Variants in ELOVL6 observed in about 807,000 individuals in gnomAD.
The protein encoded by ELOVL6 is ELOVL fatty acid elongase 6.
Under a neutral mutation model 31.7 loss-of-function variants are expected in ELOVL6, and 8 were observed. The ratio of observed to expected loss-of-function variants is 0.25; its 90% CI spans 0.15 to 0.45. ELOVL6 has a LOEUF of 0.45. ELOVL6 is among the 20% of genes least tolerant of loss of function. The probability of loss-of-function intolerance (pLI) is 1.00; values close to 1 mark genes in which losing one functional copy is unlikely to be tolerated. For synonymous variants in ELOVL6, 101 were observed against 117.7 expected (o/e 0.86, Z 0.92); for missense variants, 126 against 326.4 (o/e 0.39, Z 4.73).
At position 110,191,500 on chromosome 4, in the gene ELOVL6, C is replaced by A. The variant is rs573472356; in HGVS notation, c.89+6747G>T. On this transcript the variant is annotated intron_variant, in intron 1 of 3. Coordinates refer to ENST00000302274, the MANE Select transcript of ELOVL6 (RefSeq NM_024090.3). The stretch of plus-strand genomic sequence containing the variant: ...AACTTTGTAGAATGATGTCTGGTTC[C>A]TATTAATAAAGGACAGTTTGGCTCA... 2.7e-4 allele frequency among the ~76,000 whole-genome samples: 41 copies of A among 152,172 alleles called. No homozygotes were observed. The Middle Eastern group carries it at 0.017, about 63-fold the overall frequency.
intron 2 of ELOVL6, among the ~76,000 whole-genome samples, chr4:110,061,207 C>CA (rs556070824): frequency 2.0e-5 from 3 of 152,130 alleles, no homozygotes; most frequent in South Asian, 4.1e-4. Context: ...TCAGGACCGA[C>CA]AAGGCCTCTC....
At chr4:110,182,393 T>A (rs887001430) in intron 1 of ELOVL6, among the ~76,000 whole-genome samples, 1 of 152,228 alleles carries the variant, frequency 6.6e-6, no homozygotes, top group African/African-American at 2.4e-5. Context: ...ACTGTCTTTA[T>A]GTTTAATTGT....
At chr4:110,152,999 A>T (rs1758321175) in intron 1 of ELOVL6, among the ~76,000 whole-genome samples, 1 of 152,200 alleles carries the variant, frequency 6.6e-6, no homozygotes, top group African/African-American at 2.4e-5. Context: ...TCTATTGAAG[A>T]GCAGGAATGA....
At chr4:110,174,311 A>G (rs1759037685) in intron 1 of ELOVL6, among the ~76,000 whole-genome samples, 1 of 151,774 alleles carries the variant, frequency 6.6e-6, no homozygotes, top group African/African-American at 2.4e-5. Flanking sequence ...TTACAGGCCC[A>G]TCCCACCATA....
intron 1 of ELOVL6, among the ~76,000 whole-genome samples, chr4:110,120,568 C>T (rs906426838): frequency 6.6e-6 from 1 of 152,226 alleles, no homozygotes; most frequent in Non-Finnish European, 1.5e-5. Context: ...CTTCAAACTA[C>T]TACTATGCAT....
chr4:110,171,395 G>A (rs943908313), intron 1 of ELOVL6, among the ~76,000 whole-genome samples: 1 of 147,936 alleles, frequency 6.8e-6, no homozygotes, highest in Non-Finnish European at 1.5e-5. Context: ...GGCAACAAGA[G>A]TGAAACTCCA....
At chr4:110,052,720 G>C (rs1360394739) in intron 3 of ELOVL6, among the ~76,000 whole-genome samples, 1 of 152,176 alleles carries the variant, frequency 6.6e-6, no homozygotes, top group Non-Finnish European at 1.5e-5. Flanking sequence ...AAAATTGGAT[G>C]AAGAGCAAGC....
At chr4:110,098,960 A>T (rs1252276661) in intron 2 of ELOVL6, among the ~76,000 whole-genome samples, 2 of 152,158 alleles carry the variant, frequency 1.3e-5, no homozygotes, top group Non-Finnish European at 2.9e-5. Context: ...AAAAAAACTA[A>T]GACACTTATG....
chr4:110,106,729 T>C (rs529018907), intron 1 of ELOVL6, among the ~76,000 whole-genome samples: 9 of 152,244 alleles, frequency 5.9e-5, no homozygotes, highest in African/African-American at 2.2e-4. Context: ...TATGTCATCC[T>C]GTGACTAAGA....
chr4:110,083,971 TAAC>T (rs1441050205), intron 2 of ELOVL6, among the ~76,000 whole-genome samples: 1,342 of 108,452 alleles, frequency 0.012, 150 homozygotes, highest in Non-Finnish European at 0.018. Flanking sequence ...ATATATGATA[TAAC>T]ATATGCCATA....
intron 1 of ELOVL6, among the ~76,000 whole-genome samples, chr4:110,194,590 T>G (rs1425650908): frequency 6.6e-6 from 1 of 152,224 alleles, no homozygotes; most frequent in Non-Finnish European, 1.5e-5. Context: ...ACTTGAAAAC[T>G]AGCCTCAGTT....
At chr4:110,084,582 A>T (rs1417826775) in intron 2 of ELOVL6, among the ~76,000 whole-genome samples, 3 of 54,480 alleles carry the variant, frequency 5.5e-5, no homozygotes, top group African/African-American at 2.6e-4. Flanking sequence ...ATATATATAT[A>T]TATATATTTT....
intron 2 of ELOVL6, among the ~76,000 whole-genome samples, chr4:110,084,459 A>T (rs1428283797): frequency 9.3e-6 from 1 of 107,458 alleles, no homozygotes; most frequent in Admixed American, 9.2e-5. Flanking sequence ...CATATATCAT[A>T]TATGATATAT....
chr4:110,116,329 C>T (rs1757168720), intron 1 of ELOVL6, among the ~76,000 whole-genome samples: 3 of 152,186 alleles, frequency 2.0e-5, no homozygotes, highest in African/African-American at 7.2e-5. Context: ...CCTACAGATG[C>T]ACATGTTTCA....
intron 1 of ELOVL6, among the ~76,000 whole-genome samples, chr4:110,151,577 C>T (rs1344303446): frequency 6.6e-6 from 1 of 152,036 alleles, no homozygotes; most frequent in East Asian, 1.9e-4. Flanking sequence ...GGGATAGATG[C>T]TTGGGTGTGT....
At chr4:110,177,675 G>A (rs763659302) in intron 1 of ELOVL6, among the ~76,000 whole-genome samples, 2 of 151,876 alleles carry the variant, frequency 1.3e-5, no homozygotes, top group Admixed American at 6.6e-5. Context: ...ATGGCAAAAC[G>A]GAAACTCAGA....
At chr4:110,151,902 G>A (rs60203471) in intron 1 of ELOVL6, among the ~76,000 whole-genome samples, 15,595 of 152,200 alleles carry the variant, frequency 0.1, 832 homozygotes, top group East Asian at 0.17. Flanking sequence ...ATAATGGATT[G>A]TACAGGGTAC....
chr4:110,053,719 C>T (rs1264248599), intron 3 of ELOVL6, among the ~76,000 whole-genome samples: 1 of 152,142 alleles, frequency 6.6e-6, no homozygotes, highest in Non-Finnish European at 1.5e-5. Flanking sequence ...GTGGGCAGAT[C>T]ACAAGGTCAG....
intron 2 of ELOVL6, among the ~76,000 whole-genome samples, chr4:110,083,153 A>G (rs1053145757): frequency 5.9e-5 from 9 of 151,768 alleles, no homozygotes; most frequent in African/African-American, 2.2e-4. Context: ...AGACAAATCA[A>G]TTTTCACAAA....
Sources: allele counts gnomAD v4.1 joint callset (sites outside exome capture counted in the v4.1 genomes callset), GRCh38; gene constraint gnomAD v4.1.1; transcripts MANE v1.5; gene names NCBI Gene and HGNC (gene_info 2026-07-23, HGNC 2026-07-21).